AGXT2: variants seen among roughly 807,000 people sequenced by gnomAD.
AGXT2 encodes alanine--glyoxylate aminotransferase 2.
AGXT2 carries 61 observed loss-of-function variants against 62.5 expected under a neutral mutation model. That is an observed-to-expected ratio of 0.98 (90% confidence interval 0.79 to 1.21). The LOEUF (loss-of-function observed/expected upper bound fraction) is 1.21, where lower values mean the gene tolerates loss of function less well. AGXT2 is among the 50% of genes most tolerant of loss of function. The pLI is 0.00. For missense variants in AGXT2, 666 were observed against 641.5 expected (o/e 1.04, Z -0.41); for synonymous variants, 243 against 218.7 (o/e 1.11, Z -0.98).
In AGXT2 at chr5:35,022,100, A is replaced by T. The variant is rs575192228; in HGVS notation, c.963+3663T>A. On this transcript the variant is annotated intron_variant, in intron 9 of 13. Transcript: ENST00000231420. ...CAGGTGCTGGAGAGGATGTGGAGAA[A>T]TAGGAACACTTTTACACTGTTGGTG... Among the ~76,000 whole-genome samples the T allele has an allele frequency of 3.2e-3, 491 of 152,218 alleles. 3 individuals are homozygous for T. Among genetic ancestry groups the T allele is most frequent in the African/African-American group, 0.011 (471 of 41,558 alleles).
chr5:35,017,581 A>G (rs573454412), intron 9 of AGXT2, among the ~76,000 whole-genome samples: 43 of 152,308 alleles, frequency 2.8e-4, no homozygotes, highest in Non-Finnish European at 5.4e-4. Flanking sequence ...GCATTCCGCC[A>G]TGATTGTTAG....
At chr5:35,006,179 C>T (rs1448598474) in intron 12 of AGXT2, among the ~76,000 whole-genome samples, 1 of 152,096 alleles carries the variant, frequency 6.6e-6, no homozygotes, top group African/African-American at 2.4e-5. Context: ...TAATGTTGAG[C>T]ATTTAGGTTG....
intron 4 of AGXT2, among the ~76,000 whole-genome samples, chr5:35,036,237 G>A (rs35550809): frequency 0.093 from 14,108 of 152,174 alleles, 872 homozygotes; most frequent in Non-Finnish European, 0.14. Flanking sequence ...AACATCTGGG[G>A]CTGAACTGAG....
intron 1 of AGXT2, among the ~76,000 whole-genome samples, chr5:35,043,085 G>C (rs1768048832): frequency 6.6e-6 from 1 of 152,150 alleles, no homozygotes; most frequent in Admixed American, 6.5e-5. Flanking sequence ...TTCTCACAGA[G>C]TTCTATAGCA....
At chr5:35,030,161 C>A (rs1443101111) in intron 7 of AGXT2, among the ~76,000 whole-genome samples, 2 of 152,178 alleles carry the variant, frequency 1.3e-5, no homozygotes, top group African/African-American at 4.8e-5. Flanking sequence ...CTTTTGTATT[C>A]CAATCCTGTT....
intron 7 of AGXT2, among the ~76,000 whole-genome samples, chr5:35,027,916 T>TCA (rs1767420505): frequency 6.6e-6 from 1 of 150,894 alleles, no homozygotes; most frequent in Non-Finnish European, 1.5e-5. Flanking sequence ...CCAGAATCCT[T>TCA]GCAGGCCCTT....
Position 35,030,767 on chromosome 5 carries a change from G to A in AGXT2, c.769+1965C>T, listed in dbSNP as rs375450690. ...GAAATGACCACCTTTTAGTGCTTCC[G>A]TCTACTAGGCTCTGTGCTGGTGGTT... On this transcript the variant is annotated intron_variant, in intron 7 of 13. Coordinates refer to ENST00000231420, the MANE Select transcript of AGXT2 (RefSeq NM_031900.4). 2.6e-5 allele frequency among the ~76,000 whole-genome samples: 4 copies of A among 152,314 alleles called. No homozygotes were observed. In the South Asian group the frequency reaches 6.2e-4, roughly 24 times the overall value.
chr5:35,024,857 C>T (rs970062170), intron 9 of AGXT2, among the ~76,000 whole-genome samples: 25 of 152,114 alleles, frequency 1.6e-4, no homozygotes, highest in African/African-American at 6.0e-4. Context: ...GTAATCCCAG[C>T]TACTCGGGAG....
At chr5:35,028,285 C>T (rs756148221) in intron 7 of AGXT2, among the ~76,000 whole-genome samples, 2 of 152,138 alleles carry the variant, frequency 1.3e-5, no homozygotes, top group Non-Finnish European at 2.9e-5. Context: ...AAAACCCAGG[C>T]TATCATGTTA....
intron 9 of AGXT2, among the ~76,000 whole-genome samples, chr5:35,020,971 C>T (rs1335633588): frequency 1.2e-4 from 18 of 152,252 alleles, no homozygotes; most frequent in Non-Finnish European, 2.4e-4. Flanking sequence ...TTCCCATTCA[C>T]AATTGCTTCA....
intron 12 of AGXT2, among the ~76,000 whole-genome samples, chr5:35,004,801 C>A (rs1766363503): frequency 6.6e-6 from 1 of 152,122 alleles, no homozygotes; most frequent in African/African-American, 2.4e-5. Flanking sequence ...CACTTCCTAC[C>A]CACCCTCAGT....
rs753196170 is a variant in AGXT2, at chr5:35,010,066, T to C, written c.1272A>G (p.Glu424=). 6.2e-7 allele frequency: 1 copy of C among 1,614,210 alleles called. No homozygotes were observed. The highest frequency in any genetic ancestry group is 1.1e-5 in the South Asian group (1 of 91,086). ...CTCGGACGTCTCCAACAATTTCAAA[T>C]TCATCCCGCAGCTTAGCAAACTTTA... The part of the protein sequence containing the change: ...MLLKFAKLRD[E]FEIVGDVRGK... Residue 424 remains glutamate (E), a synonymous_variant, in exon 12 of 14, where the codon GAA becomes GAG. Transcript: ENST00000231420.
Position 35,037,060 on chromosome 5 carries a change from A to T in AGXT2, c.368T>A (p.Val123Glu), listed in dbSNP as rs539722703. ...GAGCTGCTTTTGTGCCACTGCATTCACCTTTCTGGATAAGCAGTACAGCAG... is the reference window on the plus strand; with the variant it reads ...GAGCTGCTTTTGTGCCACTGCATTCTCCTTTCTGGATAAGCAGTACAGCAG... ...TVSVGHCHPK[V>E]NAVAQKQLGR... Residue 123 changes from valine to glutamate, a missense_variant, in exon 4 of 14, where the codon GTG becomes GAG. By Grantham distance (121) the Val-to-Glu change is moderately radical. Transcript: ENST00000231420. 39 of 1,613,942 alleles carry T rather than the reference A, an allele frequency of 2.4e-5. No homozygotes were observed. The African/African-American group carries it at 5.1e-4, about 21-fold the overall frequency.
rs1378638936 is a variant in AGXT2, at chr5:34,998,453, G to A, written c.*266C>T. ...ATGCATAAACCAATCACTGCAAAGGGGAATCAAATTACCATACCTAACATA... is the reference window on the plus strand; with the variant it reads ...ATGCATAAACCAATCACTGCAAAGGAGAATCAAATTACCATACCTAACATA... On this transcript the variant is annotated 3_prime_UTR_variant, in exon 14 of 14. Transcript: ENST00000231420. The A allele has an allele frequency of 1.9e-6, 1 of 526,828 alleles. No homozygotes were observed. The highest frequency in any genetic ancestry group is 3.4e-6 in the Non-Finnish European group (1 of 292,700). 32.6% of individuals were successfully genotyped at this position (526,828 alleles called of 1,614,324 possible).
rs748609769 is a variant in AGXT2 at position 35,047,788 on chromosome 5, C to G, written c.88+17G>C. The G allele has an allele frequency of 6.2e-7, 1 of 1,613,628 alleles. No homozygotes were observed. Among genetic ancestry groups the G allele is most frequent in the Admixed American group, 1.7e-5 (1 of 59,982 alleles). ...GCTGATCCTCTACTGACCCACGTCC[C>G]CCTGGTTTCCACTTACGGCTCAGGA... On this transcript the variant is annotated intron_variant, in intron 1 of 13. Coordinates refer to ENST00000231420, the MANE Select transcript of AGXT2 (RefSeq NM_031900.4).
chr5:35,028,568 AG>A (rs1767445748), intron 7 of AGXT2, among the ~76,000 whole-genome samples: 1 of 22,044 alleles, frequency 4.5e-5, no homozygotes, highest in Admixed American at 5.7e-4. Context: ...TGAGAGAGAG[AG>A]AGAGAGAGAG....
At chr5:35,034,019 T>G (rs1196069896) in intron 5 of AGXT2, among the ~76,000 whole-genome samples, 1 of 152,174 alleles carries the variant, frequency 6.6e-6, no homozygotes, top group Non-Finnish European at 1.5e-5. Flanking sequence ...TTTTGTTTCT[T>G]TTGAACGTGA....
At position 35,045,764 on chromosome 5, in the gene AGXT2, C is replaced by T. The variant is rs201058530; in HGVS notation, c.88+2041G>A. Among the ~76,000 whole-genome samples, 125 of 99,126 alleles carry T rather than the reference C, an allele frequency of 1.3e-3. 6 individuals are homozygous for T. Among genetic ancestry groups the T allele is most frequent in the Middle Eastern group, 5.3e-3 (1 of 188 alleles). 65.0% of individuals were successfully genotyped at this position (99,126 alleles called of 152,430 possible). ...TGTGGTTTTTTTCTTTTTCTTTTTT[C>T]TTTTTTTTTTTTTTTTTTTTTGAGA... On this transcript the variant is annotated intron_variant, in intron 1 of 13. Coordinates refer to ENST00000231420, the MANE Select transcript of AGXT2 (RefSeq NM_031900.4).
At chr5:35,036,362 C>A (rs1767770134) in intron 4 of AGXT2, among the ~76,000 whole-genome samples, 1 of 152,134 alleles carries the variant, frequency 6.6e-6, no homozygotes, top group Non-Finnish European at 1.5e-5. Flanking sequence ...CATGTATTAA[C>A]TCGTTTAATG....
Sources: allele counts gnomAD v4.1 joint callset (sites outside exome capture counted in the v4.1 genomes callset), GRCh38; gene constraint gnomAD v4.1.1; transcripts MANE v1.5; gene names NCBI Gene and HGNC (gene_info 2026-07-23, HGNC 2026-07-21).